The following SUGCT variants were observed in gnomAD, a reference collection of about 807,000 sequenced individuals.
SUGCT encodes succinyl-CoA:glutarate-CoA transferase.
SUGCT carries 41 observed loss-of-function variants against 55.0 expected under a neutral mutation model. That is an observed-to-expected ratio of 0.74 (90% CI 0.58 to 0.97). SUGCT has a LOEUF of 0.97. Ranked by LOEUF, SUGCT falls within the 50% of genes least tolerant of loss-of-function variation. SUGCT has a pLI of 0.00. For synonymous variants in SUGCT, 187 were observed against 200.4 expected (o/e 0.93, Z 0.56); for missense variants, 568 against 547.8 (o/e 1.04, Z -0.37).
the SUGCT span, among the ~76,000 whole-genome samples, chr7:40,982,500 C>A: frequency 6.6e-6 from 1 of 152,078 alleles, no homozygotes; most frequent in African/African-American, 2.4e-5. Flanking sequence ...GTGACATAAA[C>A]AATAGCAGTT....
intron 1 of SUGCT, among the ~76,000 whole-genome samples, chr7:40,149,988 G>A (rs1430777546): frequency 1.3e-5 from 2 of 152,162 alleles, no homozygotes; most frequent in African/African-American, 4.8e-5. Flanking sequence ...AGCTACTCAG[G>A]AGGTTGAGGT....
At chr7:40,414,534 T>G (rs1786862119) in intron 9 of SUGCT, among the ~76,000 whole-genome samples, 1 of 152,192 alleles carries the variant, frequency 6.6e-6, no homozygotes, top group Non-Finnish European at 1.5e-5. Flanking sequence ...CATTCACATT[T>G]TTAACAACAA....
intron 13 of SUGCT, among the ~76,000 whole-genome samples, chr7:40,783,873 G>C (rs1752906285): frequency 6.6e-6 from 1 of 152,106 alleles, no homozygotes; most frequent in South Asian, 2.1e-4. Context: ...TGCAGGCCTT[G>C]ATGAAATTGG....
intron 12 of SUGCT, among the ~76,000 whole-genome samples, chr7:40,552,197 C>T (rs1419560549): frequency 2.0e-5 from 3 of 152,002 alleles, no homozygotes; most frequent in African/African-American, 7.3e-5. Flanking sequence ...GTGCAGCCTG[C>T]GACTTGTGAG....
intron 9 of SUGCT, among the ~76,000 whole-genome samples, chr7:40,432,470 G>A (rs999364486): frequency 2.0e-5 from 3 of 151,944 alleles, no homozygotes; most frequent in East Asian, 1.9e-4. Context: ...GGCAGATCAC[G>A]AGGTCAGGAG....
chr7:40,411,518 A>G (rs375877950), intron 9 of SUGCT, among the ~76,000 whole-genome samples: 185 of 152,344 alleles, frequency 1.2e-3, no homozygotes, highest in African/African-American at 4.2e-3. Flanking sequence ...AGCCAAATAG[A>G]GAAAGACAAG....
chr7:40,155,512 T>G (rs1280528423), intron 1 of SUGCT, among the ~76,000 whole-genome samples: 1 of 152,176 alleles, frequency 6.6e-6, no homozygotes, highest in Non-Finnish European at 1.5e-5. Context: ...GTAGCACTGT[T>G]GAAGGAGGCC....
intron 12 of SUGCT, among the ~76,000 whole-genome samples, chr7:40,636,077 G>A (rs1800009709): frequency 6.6e-6 from 1 of 152,168 alleles, no homozygotes; most frequent in African/African-American, 2.4e-5. Context: ...AATCTCTATT[G>A]CTGCATAACA....
At chr7:40,240,094 AACAT>A (rs1789278417) in intron 7 of SUGCT, among the ~76,000 whole-genome samples, 1 of 152,218 alleles carries the variant, frequency 6.6e-6, no homozygotes, top group Non-Finnish European at 1.5e-5. Flanking sequence ...GGGTGCTATG[AACAT>A]ATATAAATAA....
chr7:40,629,155 A>G (rs1298054209), intron 12 of SUGCT, among the ~76,000 whole-genome samples: 2 of 152,180 alleles, frequency 1.3e-5, no homozygotes, highest in Admixed American at 6.5e-5. Context: ...ATTTCAGCGC[A>G]GTTCATGCCT....
chr7:40,835,927 C>CT (rs1478889601), intron 13 of SUGCT, among the ~76,000 whole-genome samples: 1 of 143,328 alleles, frequency 7.0e-6, no homozygotes, highest in East Asian at 2.0e-4. Flanking sequence ...GGGTCTCACT[C>CT]TGTCACCCAG....
At chr7:40,931,679 A>C in the SUGCT span, among the ~76,000 whole-genome samples, 3 of 152,026 alleles carry the variant, frequency 2.0e-5, no homozygotes, top group African/African-American at 7.2e-5. Flanking sequence ...GAATTTATCC[A>C]TTTCTTCTAG....
At position 40,316,818 on chromosome 7, in the gene SUGCT, G is replaced by C; in HGVS notation, c.779G>C (p.Arg260Pro). The change falls in exon 9 of 14, where the codon CGT becomes CCT. Residue 260 changes from arginine to proline, a missense_variant. Transcript: ENST00000335693. ...CTTATTGGTCAAAAGGAAGCAAAAC[G>C]TTGGGGTACAGCTCATGGCAGTATC... is the stretch of plus-strand genomic sequence containing the variant. Reference protein sequence around the residue: ...NYLIGQKEAKRWGTAHGSIVP... With the variant: ...NYLIGQKEAKPWGTAHGSIVP... 6.2e-7 allele frequency: 1 copy of C among 1,601,838 alleles called. No individual in the cohort carries two copies.
chr7:40,528,755 G>A (rs563793678), intron 12 of SUGCT, among the ~76,000 whole-genome samples: 43 of 152,264 alleles, frequency 2.8e-4, no homozygotes, highest in Non-Finnish European at 5.1e-4. Flanking sequence ...GTAATGCCAA[G>A]TTCCTACTTG....
At chr7:40,574,711 C>T (rs538104935) in intron 12 of SUGCT, among the ~76,000 whole-genome samples, 14 of 152,154 alleles carry the variant, frequency 9.2e-5, no homozygotes, top group African/African-American at 2.7e-4. Flanking sequence ...GGATTACAGG[C>T]GTGAGCCACC....
At chr7:40,828,511 C>A (rs950183297) in intron 13 of SUGCT, among the ~76,000 whole-genome samples, 11 of 149,558 alleles carry the variant, frequency 7.4e-5, no homozygotes, top group Non-Finnish European at 1.5e-4. Context: ...GTTGCTCTCT[C>A]TGCAAAGATT....
chr7:40,730,864 A>G (rs576986307), intron 12 of SUGCT, among the ~76,000 whole-genome samples: 1 of 152,350 alleles, frequency 6.6e-6, no homozygotes, highest in Admixed American at 6.5e-5. Flanking sequence ...AAATGACAGA[A>G]TCACCTTCTC....
intron 1 of SUGCT, among the ~76,000 whole-genome samples, chr7:40,149,526 T>G (rs1788437747): frequency 6.6e-6 from 1 of 152,192 alleles, no homozygotes; most frequent in Non-Finnish European, 1.5e-5. Context: ...CGGTGGCTCA[T>G]GCCCGTAATC....
intron 9 of SUGCT, among the ~76,000 whole-genome samples, chr7:40,370,286 G>C (rs1298456278): frequency 6.6e-6 from 1 of 152,146 alleles, no homozygotes; most frequent in Non-Finnish European, 1.5e-5. Flanking sequence ...AGTTTTGCAA[G>C]AGCCAGGGAA....
Sources: allele counts gnomAD v4.1 joint callset (sites outside exome capture counted in the v4.1 genomes callset), GRCh38; gene constraint gnomAD v4.1.1; transcripts MANE v1.5; gene names NCBI Gene and HGNC (gene_info 2026-07-23, HGNC 2026-07-21).